RPTOR: variants seen among roughly 807,000 people sequenced by gnomAD.
RPTOR encodes regulatory associated protein of MTOR complex 1.
A neutral mutation model predicts 169.9 loss-of-function variants in RPTOR; 21 were observed. The observed-to-expected ratio is 0.12, with a 90% CI of 0.09 to 0.18. The LOEUF (loss-of-function observed/expected upper bound fraction) is 0.18. RPTOR is among the 10% of genes least tolerant of loss of function. RPTOR has a pLI of 1.00. For missense variants in RPTOR, 1,133 were observed against 1,855.9 expected (o/e 0.61, Z 7.16); for synonymous variants, 732 against 753.2 (o/e 0.97, Z 0.46).
At chr17:80,568,664 C>T (rs1164220479) in intron 1 of RPTOR, among the ~76,000 whole-genome samples, 1 of 152,130 alleles carries the variant, frequency 6.6e-6, no homozygotes, top group African/African-American at 2.4e-5. Context: ...TCCTATCTCT[C>T]CCCTTGTTCC....
rs78764990 is a variant in RPTOR, at chr17:80,584,821, G to A, written c.162+39030G>A. Among the ~76,000 whole-genome samples the A allele has an allele frequency of 2.6e-5, 4 of 152,340 alleles. No homozygotes were observed. The East Asian group carries it at 5.8e-4, about 22-fold the overall frequency. On this transcript the variant is annotated intron_variant, in intron 1 of 33. Coordinates refer to ENST00000306801, the MANE Select transcript of RPTOR (RefSeq NM_020761.3). The stretch of plus-strand genomic sequence containing the variant: ...TATGCTTTGATCCTTGAGTTAAATC[G>A]AGGCTGTGGTAGCTGGTGAGTTATG...
At chr17:80,701,103 A>G (rs1418317134) in intron 3 of RPTOR, among the ~76,000 whole-genome samples, 2 of 152,000 alleles carry the variant, frequency 1.3e-5, no homozygotes. Flanking sequence ...GATTGAGGAG[A>G]GAGGGGAGCA....
intron 11 of RPTOR, among the ~76,000 whole-genome samples, chr17:80,852,120 C>T (rs2067799386): frequency 6.6e-6 from 1 of 152,194 alleles, no homozygotes; most frequent in Non-Finnish European, 1.5e-5. Context: ...TAGCCGAACA[C>T]TATGATGCTG....
chr17:80,729,946 C>T (rs1489897962), intron 4 of RPTOR, among the ~76,000 whole-genome samples: 2 of 152,190 alleles, frequency 1.3e-5, no homozygotes, highest in South Asian at 2.1e-4. Context: ...GGAGGGAGGT[C>T]CCGCAGTGAA....
rs77453016 is a variant in RPTOR, at chr17:80,569,887, C to T, written c.162+24096C>T. ...TTCATGAGGTCCCTTAATTCTTCCT[C>T]GTTGGAGCTTGAATGTTTCTCACCC... On this transcript the variant is annotated intron_variant, in intron 1 of 33. Transcript: ENST00000306801. Among the ~76,000 whole-genome samples, 589 of 152,234 alleles carry T rather than the reference C, an allele frequency of 3.9e-3. 5 individuals carry two copies. The highest frequency in any genetic ancestry group is 0.014 in the African/African-American group (568 of 41,540).
intron 6 of RPTOR, among the ~76,000 whole-genome samples, chr17:80,773,418 G>A (rs1474504860): frequency 6.6e-6 from 1 of 152,234 alleles, no homozygotes; most frequent in Non-Finnish European, 1.5e-5. Flanking sequence ...GGGTGCCTGG[G>A]AAGACAGTCG....
intron 4 of RPTOR, among the ~76,000 whole-genome samples, chr17:80,713,514 T>A (rs931546734): frequency 6.6e-6 from 1 of 152,216 alleles, no homozygotes; most frequent in Non-Finnish European, 1.5e-5. Context: ...TTCACAAGTT[T>A]TTGTCAAACC....
chr17:80,913,291 A>G (rs2068633912), intron 21 of RPTOR, among the ~76,000 whole-genome samples: 1 of 152,176 alleles, frequency 6.6e-6, no homozygotes, highest in African/African-American at 2.4e-5. Flanking sequence ...CTATATTCAA[A>G]TACAGAAATT....
rs985020226 is a variant in RPTOR at position 80,721,309 on chromosome 17, C to T, written c.508-9251C>T. On this transcript the variant is annotated intron_variant, in intron 4 of 33. Transcript: ENST00000306801. The surrounding 1 kb of genome is among the most constrained non-coding windows in gnomAD (Gnocchi z 4.7). ...GGAAACTGTTCTCACGACTGTGAGTCATTGAGGCTCCTGGACGCGGCGGAA... is the reference window on the plus strand; with the variant it reads ...GGAAACTGTTCTCACGACTGTGAGTTATTGAGGCTCCTGGACGCGGCGGAA... 6.6e-6 allele frequency among the ~76,000 whole-genome samples: 1 copy of T among 151,358 alleles called. No homozygotes were observed. The highest frequency in any genetic ancestry group is 1.5e-5 in the Non-Finnish European group (1 of 68,026).
At chr17:80,670,054 T>G (rs1193061110) in intron 3 of RPTOR, among the ~76,000 whole-genome samples, 1 of 152,164 alleles carries the variant, frequency 6.6e-6, no homozygotes, top group Non-Finnish European at 1.5e-5. Context: ...TGAATAATAG[T>G]TTAAAACCAT....
intron 5 of RPTOR, 148 bp from the exon 6 acceptor site, chr17:80,753,862 G>T (rs568132622): frequency 1.9e-5 from 14 of 745,540 alleles, no homozygotes; most frequent in South Asian, 1.0e-4. Context: ...CAGTTCAGCA[G>T]CGACGCCTCT....
chr17:80,903,434 G>A (rs976106525), intron 20 of RPTOR, among the ~76,000 whole-genome samples: 13 of 152,362 alleles, frequency 8.5e-5, no homozygotes, highest in Non-Finnish European at 1.8e-4. Flanking sequence ...GAACAGTGGC[G>A]GCCCCTGCAC....
At position 80,861,737 on chromosome 17, in the gene RPTOR, C is replaced by T. The variant is rs945103354; in HGVS notation, c.1509+3837C>T. On this transcript the variant is annotated intron_variant, in intron 13 of 33. Transcript: ENST00000306801. The surrounding 1 kb of genome is among the most constrained non-coding windows in gnomAD (Gnocchi z 4.5). ...GCCGCCTGAGCCTGCTCCCCAGCAC[C>T]GCCAGTGCTGCAGGAACGTGTCTAA... Among the ~76,000 whole-genome samples the T allele has an allele frequency of 3.9e-5, 6 of 152,204 alleles. No individual in the cohort carries two copies. Among genetic ancestry groups the T allele is most frequent in the African/African-American group, 1.4e-4 (6 of 41,452 alleles).
intron 7 of RPTOR, among the ~76,000 whole-genome samples, chr17:80,819,918 T>C (rs2067362333): frequency 6.6e-6 from 1 of 152,152 alleles, no homozygotes; most frequent in Admixed American, 6.5e-5. Flanking sequence ...GGGTAACATG[T>C]CTGAACCCCA....
intron 23 of RPTOR, 49 bp from the exon 24 acceptor site, chr17:80,925,317 ATGAC>A (rs972474998): frequency 2.0e-6 from 3 of 1,495,324 alleles, no homozygotes; most frequent in Non-Finnish European, 2.8e-6. Context: ...CAGGAGTGGC[ATGAC>A]TGACTGGTGT....
At chr17:80,697,415 G>T (rs1385841703) in intron 3 of RPTOR, among the ~76,000 whole-genome samples, 1 of 152,240 alleles carries the variant, frequency 6.6e-6, no homozygotes, top group South Asian at 2.1e-4. Flanking sequence ...CAGCCTTCAG[G>T]CTGTTATTTG....
At chr17:80,793,622 C>A (rs1441975492) in intron 7 of RPTOR, among the ~76,000 whole-genome samples, 1 of 152,178 alleles carries the variant, frequency 6.6e-6, no homozygotes, top group African/African-American at 2.4e-5. Context: ...TCCCATCCCC[C>A]CTGGTCACCT....
In RPTOR at chr17:80,962,442, T is replaced by TG; in HGVS notation, c.3693-18dup. 6.2e-7 allele frequency: 1 copy of TG among 1,606,510 alleles called. No homozygotes were observed. Among genetic ancestry groups the TG allele is most frequent in the South Asian group, 1.1e-5 (1 of 90,736 alleles). On this transcript the variant is annotated intron_variant, in intron 31 of 33. Coordinates refer to ENST00000306801, the MANE Select transcript of RPTOR (RefSeq NM_020761.3). Reference sequence around the variant, plus strand: ...TGGGGCCTCCGGGAGGAGGTGTCACTGTGACCCTCTCTTGGCAGCGTCAAT... The same window carrying TG: ...TGGGGCCTCCGGGAGGAGGTGTCACTGGTGACCCTCTCTTGGCAGCGTCAAT...
At chr17:80,937,462 C>A (rs1194917264) in intron 24 of RPTOR, among the ~76,000 whole-genome samples, 1 of 152,156 alleles carries the variant, frequency 6.6e-6, no homozygotes, top group African/African-American at 2.4e-5. Flanking sequence ...CCAGGTTTTT[C>A]TTTGCAACAG....
Sources: gnomAD v4.1 joint callset for allele counts (sites outside exome capture counted in the v4.1 genomes callset) on GRCh38, gnomAD v4.1.1 for gene constraint, Gnocchi (gnomAD v3.1) non-coding constraint, MANE v1.5 for transcripts, NCBI Gene and HGNC (gene_info 2026-07-23, HGNC 2026-07-21) for gene names.